Variants in AAK1 observed in about 807,000 individuals in gnomAD.
AAK1 encodes AP2-associated protein kinase 1.
Under a neutral mutation model 116.0 loss-of-function variants are expected in AAK1, and 37 were observed. The observed-to-expected ratio is 0.32, with a 90% confidence interval of 0.25 to 0.42. AAK1 has a LOEUF of 0.42. Among genes scored for constraint, AAK1 ranks in the 10% least tolerant of loss-of-function variants. The pLI, the probability that AAK1 is intolerant of heterozygous loss-of-function variation, is 1.00. For synonymous variants in AAK1, 458 were observed against 439.9 expected, an observed-to-expected ratio of 1.04 and a Z score of -0.51; for missense variants, 919 against 1,170.6, an observed-to-expected ratio of 0.79 and a Z score of 3.14.
chr2:69,519,262 T>G lies in AAK1; in HGVS notation c.1211-22A>C, dbSNP rs1199096311. Reference sequence around the variant, plus strand: ...GATCCTGCAATGAGAATAAAGTCCATGTAAGGGTTCCAAATGCTTCCACAC... The same window carrying G: ...GATCCTGCAATGAGAATAAAGTCCAGGTAAGGGTTCCAAATGCTTCCACAC... On this transcript the variant is annotated intron_variant, in intron 11 of 21. Transcript: ENST00000409085. The G allele has an allele frequency of 7.3e-6, 11 of 1,516,402 alleles. No homozygotes were observed. In the South Asian group the frequency reaches 1.4e-4, roughly 20 times the overall value. 93.9% of individuals were successfully genotyped at this position (1,516,402 alleles called of 1,614,324 possible). A position where few individuals can be genotyped will look rare whatever the true frequency, so the allele number is the denominator to read the frequency against.
At chr2:69,643,431 C>T (rs1405301934) in intron 1 of AAK1, 144 bp downstream of exon 1, 1 of 1,186,298 alleles carries the variant, frequency 8.4e-7, no homozygotes, top group Non-Finnish European at 1.1e-6. Context: ...GACCCCGGCC[C>T]CAGAACCCGG....
At chr2:69,592,156 C>T (rs1673063367) in intron 2 of AAK1, among the ~76,000 whole-genome samples, 1 of 152,174 alleles carries the variant, frequency 6.6e-6, no homozygotes, top group Non-Finnish European at 1.5e-5. Context: ...GACTAGAATA[C>T]AATTTTCAAG....
intron 16 of AAK1, 21 bp from the exon 17 acceptor site, chr2:69,496,101 AAGG>A (rs1229490027): frequency 9.8e-6 from 15 of 1,534,332 alleles, no homozygotes; most frequent in Non-Finnish European, 1.3e-5. Flanking sequence ...GTTGGAGGGG[AAGG>A]AGGAGTCAGG....
Position 69,469,269 on chromosome 2 carries a change from T to C in AAK1, c.*6600A>G, listed in dbSNP as rs1674596569. The C allele has an allele frequency of 1.0e-6, 1 of 985,360 alleles. No homozygotes were observed. Among genetic ancestry groups the C allele is most frequent in the Non-Finnish European group, 1.2e-6 (1 of 829,924 alleles). The allele number at this position is 985,360 out of a possible 1,614,324, so 61.0% of individuals were successfully genotyped here. On this transcript the variant is annotated 3_prime_UTR_variant, in exon 22 of 22. Coordinates refer to ENST00000409085, the MANE Select transcript of AAK1 (RefSeq NM_014911.5). Reference sequence around the variant, plus strand: ...AGAGAATATGGGGGAAGCCCAGACCTCCACATTCCCTTAAGGAATTCTGGT... The same window carrying C: ...AGAGAATATGGGGGAAGCCCAGACCCCCACATTCCCTTAAGGAATTCTGGT...
chr2:69,568,608 T>A (rs1159391947), intron 2 of AAK1, among the ~76,000 whole-genome samples: 6 of 151,934 alleles, frequency 3.9e-5, no homozygotes, highest in African/African-American at 1.2e-4. Context: ...TTTTTAAATT[T>A]TTTGTAGAGA....
At chr2:69,578,081 T>C (rs1184079325) in intron 2 of AAK1, among the ~76,000 whole-genome samples, 1 of 152,062 alleles carries the variant, frequency 6.6e-6, no homozygotes, top group Non-Finnish European at 1.5e-5. Flanking sequence ...CAGGGCCACC[T>C]CACCTCTCAG....
rs1421000187 is a variant in AAK1, at chr2:69,467,105, G to A, written c.*8764C>T. 3.0e-6 allele frequency: 3 copies of A among 985,278 alleles called. No homozygotes were observed. The African/African-American group carries it at 5.2e-5, about 17-fold the overall frequency. 61.0% of individuals were successfully genotyped at this position (985,278 alleles called of 1,614,324 possible). ...CAAGCACTACTCAAAGAGCATACGA[G>A]TGCCCAAAATATAAATACTGAAGGT... On this transcript the variant is annotated 3_prime_UTR_variant, in exon 22 of 22. Coordinates refer to ENST00000409085, the MANE Select transcript of AAK1 (RefSeq NM_014911.5).
At chr2:69,603,758 C>T (rs777781779) in intron 2 of AAK1, among the ~76,000 whole-genome samples, 4 of 152,126 alleles carry the variant, frequency 2.6e-5, no homozygotes, top group Non-Finnish European at 4.4e-5. Flanking sequence ...TCATCATCAT[C>T]ATCATCATCT....
At chr2:69,526,671 T>C (rs1007839307) in intron 9 of AAK1, among the ~76,000 whole-genome samples, 1 of 152,158 alleles carries the variant, frequency 6.6e-6, no homozygotes, top group Non-Finnish European at 1.5e-5. Context: ...GAAAACTGAG[T>C]GCAGAGTTTA....
At chr2:69,495,631 T>C (rs1675707961) in intron 17 of AAK1, among the ~76,000 whole-genome samples, 1 of 152,208 alleles carries the variant, frequency 6.6e-6, no homozygotes, top group Admixed American at 6.5e-5. Context: ...GATCACTTTA[T>C]CATGTGCTTA....
chr2:69,607,080 T>TTG (rs1673838597), intron 2 of AAK1, among the ~76,000 whole-genome samples: 1 of 147,726 alleles, frequency 6.8e-6, no homozygotes, highest in East Asian at 2.0e-4. Context: ...GTGCGTTAGA[T>TTG]TGTGATAAAC....
chr2:69,507,393 A>C (rs746188782), intron 15 of AAK1, 28 bp downstream of exon 15: 5 of 1,604,874 alleles, frequency 3.1e-6, no homozygotes, highest in Non-Finnish European at 8.5e-7. Flanking sequence ...ATAATCAAGA[A>C]GCACAAAAAA....
At chr2:69,518,134 T>C (rs1300366624) in intron 12 of AAK1, among the ~76,000 whole-genome samples, 1 of 152,042 alleles carries the variant, frequency 6.6e-6, no homozygotes, top group African/African-American at 2.4e-5. Context: ...AAAAAACAGA[T>C]ATACTCATCA....
intron 2 of AAK1, among the ~76,000 whole-genome samples, chr2:69,608,226 G>A (rs1007026295): frequency 6.6e-6 from 1 of 152,306 alleles, no homozygotes; most frequent in African/African-American, 2.4e-5. Context: ...AAGCCAAGGC[G>A]CAACCAACAG....
Position 69,643,585 on chromosome 2 carries a change from T to TCGGCGGC in AAK1, c.-252_-246dup, listed in dbSNP as rs1199179769. ...CCTGGCAGCACCCACTTGAGACGGC[T>TCGGCGGC]CGGCGGCCGGCGCCCTGCTACCAGC... On this transcript the variant is annotated 5_prime_UTR_variant, in exon 1 of 22. Coordinates refer to ENST00000409085, the MANE Select transcript of AAK1 (RefSeq NM_014911.5). 4.1e-6 allele frequency: 5 copies of TCGGCGGC among 1,228,110 alleles called. No homozygotes were observed. Among genetic ancestry groups the TCGGCGGC allele is most frequent in the Non-Finnish European group, 5.1e-6 (5 of 986,054 alleles). The allele number at this position is 1,228,110 out of a possible 1,614,324, so 76.1% of individuals were successfully genotyped here.
intron 17 of AAK1, among the ~76,000 whole-genome samples, chr2:69,487,815 GT>G (rs1398716855): frequency 7.1e-6 from 1 of 139,926 alleles, no homozygotes; most frequent in Non-Finnish European, 1.5e-5. Flanking sequence ...TTGAGACAGA[GT>G]TTCACTCTTG....
chr2:69,528,845 A>C (rs919674066), intron 8 of AAK1, among the ~76,000 whole-genome samples: 3 of 152,232 alleles, frequency 2.0e-5, no homozygotes, highest in Non-Finnish European at 4.4e-5. Context: ...AAAAAATAAT[A>C]CTAGTCTAAT....
Position 69,539,700 on chromosome 2 carries a change from G to C in AAK1, c.534+2823C>G, listed in dbSNP as rs1454729093. On this transcript the variant is annotated intron_variant, in intron 5 of 21. Transcript: ENST00000409085. ...CTGGTCTGCAACTGGCCACACACTG[G>C]AGCTCTGACCCACCTTCTCATCCCC... 2.6e-5 allele frequency among the ~76,000 whole-genome samples: 4 copies of C among 152,134 alleles called. No individual in the cohort carries two copies. The South Asian group carries it at 8.3e-4, about 32-fold the overall frequency.
chr2:69,495,504 A>C (rs899955687), intron 17 of AAK1, among the ~76,000 whole-genome samples: 2 of 152,142 alleles, frequency 1.3e-5, no homozygotes, highest in Non-Finnish European at 1.5e-5. Flanking sequence ...TTATTATCCC[A>C]TTCCCTAATT....
Sources: allele counts gnomAD v4.1 joint callset (sites outside exome capture counted in the v4.1 genomes callset), GRCh38; gene constraint gnomAD v4.1.1; transcripts MANE v1.5; gene names NCBI Gene and HGNC (gene_info 2026-07-23, HGNC 2026-07-21).